Variants in TMEM132B observed in about 807,000 individuals in gnomAD.
The protein encoded by TMEM132B is transmembrane protein 132B.
A neutral mutation model predicts 90.8 loss-of-function variants in TMEM132B; 18 were observed. That is an observed-to-expected ratio of 0.20 (90% CI 0.14 to 0.29). The LOEUF is 0.29. TMEM132B is among the 10% of genes least tolerant of loss of function. The pLI, the probability that TMEM132B is intolerant of heterozygous loss-of-function variation, is 1.00. For missense variants in TMEM132B, 1,096 were observed against 1,326.8 expected (o/e 0.83, Z 2.70); for synonymous variants, 504 against 523.3 (o/e 0.96, Z 0.50).
intron 1 of TMEM132B, among the ~76,000 whole-genome samples, chr12:125,260,098 T>C (rs904114784): frequency 2.0e-5 from 3 of 152,210 alleles, no homozygotes; most frequent in African/African-American, 7.2e-5. Flanking sequence ...CAAGCCAGGT[T>C]GGAGCTTTGA....
chr12:125,336,800 C>T (rs1277808583), intron 1 of TMEM132B, among the ~76,000 whole-genome samples: 3 of 152,202 alleles, frequency 2.0e-5, no homozygotes, highest in African/African-American at 4.8e-5. Context: ...ATGGCAGACC[C>T]GGGGCTCCAG....
chr12:125,409,455 T>C (rs753778934), intron 2 of TMEM132B, among the ~76,000 whole-genome samples: 4 of 151,854 alleles, frequency 2.6e-5, no homozygotes, highest in Admixed American at 2.6e-4. Context: ...CAGGAGCTGA[T>C]TGAGGGGGGG....
Position 125,308,784 on chromosome 12 carries a change from A to T in TMEM132B, c.68-40668A>T, listed in dbSNP as rs1479013356. Among the ~76,000 whole-genome samples the T allele has an allele frequency of 2.0e-5, 3 of 152,294 alleles. No individual in the cohort carries two copies. The South Asian group carries it at 6.2e-4, about 32-fold the overall frequency. On this transcript the variant is annotated intron_variant, in intron 1 of 8. Transcript: ENST00000682704. ...TTATTTTGTAAAAAAAAGGACCCAA[A>T]CATTACAGAAAACATTGAAGTTCTC...
intron 5 of TMEM132B, among the ~76,000 whole-genome samples, chr12:125,592,368 A>G (rs1885335797): frequency 6.6e-6 from 1 of 152,178 alleles, no homozygotes. Context: ...TTTCCAACTT[A>G]TGGCTGCAAT....
At chr12:125,248,665 G>A (rs985876358) in intron 1 of TMEM132B, among the ~76,000 whole-genome samples, 1 of 152,186 alleles carries the variant, frequency 6.6e-6, no homozygotes, top group Non-Finnish European at 1.5e-5. Context: ...GATTCTGGCT[G>A]CTTTATTTAT....
chr12:125,524,424 T>C (rs531518905), intron 4 of TMEM132B, among the ~76,000 whole-genome samples: 2 of 152,276 alleles, frequency 1.3e-5, no homozygotes, highest in South Asian at 2.1e-4. Flanking sequence ...GATATTTTGG[T>C]CAAGAGTGAG....
chr12:125,526,138 C>T (rs1352955273), intron 4 of TMEM132B, among the ~76,000 whole-genome samples: 6 of 150,702 alleles, frequency 4.0e-5, no homozygotes, highest in South Asian at 2.1e-4. Flanking sequence ...CCAGCTACCC[C>T]GTTACCAGCC....
chr12:125,571,779 A>G (rs1566077522), intron 4 of TMEM132B, among the ~76,000 whole-genome samples: 1 of 152,216 alleles, frequency 6.6e-6, no homozygotes, highest in African/African-American at 2.4e-5. Context: ...CTTTTTCTGT[A>G]AATAGGTTTG....
Position 125,408,498 on chromosome 12 carries a change from G to A in TMEM132B, c.960-7033G>A, listed in dbSNP as rs1217383766. Among the ~76,000 whole-genome samples, 2 of 152,146 alleles carry A rather than the reference G, an allele frequency of 1.3e-5. No individual in the cohort carries two copies. The highest frequency in any genetic ancestry group is 6.5e-5 in the Admixed American group (1 of 15,280). ...TCTATAAAAAAGCAAGCTCTCACCC[G>A]GCACTGAAACTGCTGACATCTTGCT... is the stretch of plus-strand genomic sequence containing the variant. On this transcript the variant is annotated intron_variant, in intron 2 of 8. Transcript: ENST00000682704. The surrounding 1 kb of genome is among the most constrained non-coding windows in gnomAD (Gnocchi z 5.9).
chr12:125,375,433 T>A (rs1878445517), intron 2 of TMEM132B, among the ~76,000 whole-genome samples: 1 of 152,344 alleles, frequency 6.6e-6, no homozygotes, highest in Admixed American at 6.5e-5. Context: ...ATTTTGTCGC[T>A]AAAGGACAAA....
At chr12:125,319,702 A>G (rs1876375852) in intron 1 of TMEM132B, among the ~76,000 whole-genome samples, 1 of 152,152 alleles carries the variant, frequency 6.6e-6, no homozygotes, top group African/African-American at 2.4e-5. Context: ...TTCAATTATC[A>G]CATAGGTCCA....
rs531138090 is a variant in TMEM132B, at chr12:125,345,548, T to C, written c.68-3904T>C. Among the ~76,000 whole-genome samples, 9 of 152,314 alleles carry C rather than the reference T, an allele frequency of 5.9e-5. No individual in the cohort carries two copies. The South Asian group carries it at 1.9e-3, about 32-fold the overall frequency. On this transcript the variant is annotated intron_variant, in intron 1 of 8. Coordinates refer to ENST00000682704, the MANE Select transcript of TMEM132B (RefSeq NM_001366854.1). ...GTGAGTTGCTTCATTCTAGGAGTAA[T>C]ATTATTAATCTCCTCCCCTCTCTTC...
chr12:125,499,550 C>T lies in TMEM132B; in HGVS notation c.1107-19889C>T, dbSNP rs369377011. Among the ~76,000 whole-genome samples, 261 of 152,256 alleles carry T rather than the reference C, an allele frequency of 1.7e-3. 2 individuals are homozygous for T. The highest frequency in any genetic ancestry group is 6.1e-3 in the African/African-American group (253 of 41,550). On this transcript the variant is annotated intron_variant, in intron 3 of 8. Coordinates refer to ENST00000682704, the MANE Select transcript of TMEM132B (RefSeq NM_001366854.1). ...TTCCTATCCCAGAAAAGCAGATGTT[C>T]ATAGCTCTGGGAATGGAATGCGACC...
At chr12:125,444,165 T>C (rs550589974) in intron 3 of TMEM132B, among the ~76,000 whole-genome samples, 3 of 152,356 alleles carry the variant, frequency 2.0e-5, no homozygotes, top group Non-Finnish European at 4.4e-5. Context: ...TCTCACTTTG[T>C]AAATTCATGT....
At chr12:125,637,497 G>C (rs1019787664) in intron 5 of TMEM132B, among the ~76,000 whole-genome samples, 3 of 152,154 alleles carry the variant, frequency 2.0e-5, no homozygotes, top group Non-Finnish European at 4.4e-5. Flanking sequence ...TACATTTTAG[G>C]GAGGCATGAG....
intron 3 of TMEM132B, among the ~76,000 whole-genome samples, chr12:125,493,913 T>TCCC (rs1882427364): frequency 3.3e-5 from 2 of 61,382 alleles, no homozygotes; most frequent in Non-Finnish European, 3.2e-5. Flanking sequence ...ATGTCCCTCC[T>TCCC]CCTCCTCCCT....
At chr12:125,331,290 A>G (rs1175471878) in intron 1 of TMEM132B, among the ~76,000 whole-genome samples, 3 of 152,228 alleles carry the variant, frequency 2.0e-5, no homozygotes, top group Non-Finnish European at 4.4e-5. Context: ...CAAGCTCTGA[A>G]TTGCATTCCA....
intron 5 of TMEM132B, among the ~76,000 whole-genome samples, chr12:125,616,376 G>A (rs1355733216): frequency 1.3e-5 from 2 of 152,134 alleles, no homozygotes; most frequent in Non-Finnish European, 2.9e-5. Context: ...AGAGGTTATA[G>A]GAGAGGCAGA....
At chr12:125,446,150 G>C (rs1157601002) in intron 3 of TMEM132B, among the ~76,000 whole-genome samples, 2 of 152,162 alleles carry the variant, frequency 1.3e-5, no homozygotes, top group Non-Finnish European at 2.9e-5. Flanking sequence ...ATAGTTAATA[G>C]TTATTTGTTT....
Sources: allele counts gnomAD v4.1 joint callset (sites outside exome capture counted in the v4.1 genomes callset), GRCh38; gene constraint gnomAD v4.1.1; non-coding constraint Gnocchi (gnomAD v3.1); transcripts MANE v1.5; gene names NCBI Gene and HGNC (gene_info 2026-07-23, HGNC 2026-07-21).